Variants in ZNF718 observed in about 807,000 individuals in gnomAD.
The protein encoded by ZNF718 is zinc finger protein 718.
ZNF718 carries 3 observed loss-of-function variants against 2.6 expected under a neutral mutation model. That is an observed-to-expected ratio of 1.16 (90% CI 0.53 to 3.01). The LOEUF (loss-of-function observed/expected upper bound fraction) is 3.01. ZNF718 is among the 30% of genes most tolerant of loss of function. The pLI is 0.03. For missense variants in ZNF718, 468 were observed against 230.0 expected, an observed-to-expected ratio of 2.03 and a Z score of -6.69; for synonymous variants, 135 against 77.9, an observed-to-expected ratio of 1.73 and a Z score of -3.86.
At chr4:160,814 C>G in intron 3 of ZNF718, 98 bp from the exon 4 acceptor site, 3 of 650,044 alleles carry the variant, frequency 4.6e-6, no homozygotes, top group Non-Finnish European at 2.8e-6. Flanking sequence ...GCCTCGGAAA[C>G]TGCTGGAATT....
At position 131,602 on chromosome 4, in the gene ZNF718, G is replaced by A. The variant is rs1273606851; in HGVS notation, c.226+97G>A. On this transcript the variant is annotated intron_variant, in intron 3 of 3. Coordinates refer to ENST00000510175, the MANE Select transcript of ZNF718 (RefSeq NM_001039127.6). ...AATGTTGTTTGAGAGGCTGAGCACC[G>A]TGGCTCACGCCTGTAATCCCAGCAC... 1.6e-4 allele frequency: 39 copies of A among 242,096 alleles called. 13 individuals carry two copies. Among genetic ancestry groups the A allele is most frequent in the Non-Finnish European group, 2.8e-4 (37 of 132,666 alleles). 15.0% of individuals were successfully genotyped at this position (242,096 alleles called of 1,614,324 possible).
chr4:141,191 G>A (rs1284145731), intron 3 of ZNF718, among the ~76,000 whole-genome samples: 1 of 147,606 alleles, frequency 6.8e-6, no homozygotes, highest in Non-Finnish European at 1.5e-5. Context: ...GAAAAAAAAA[G>A]AGAATAGTTT....
rs373794669 is a variant in ZNF718, at chr4:161,870, C to T, written c.1185C>T (p.Tyr395=). Residue 395 remains tyrosine (Y), a synonymous_variant, in exon 4 of 4, where the codon TAC becomes TAT. Transcript: ENST00000510175. Reference sequence around the variant, plus strand: ...GAATTCACTCTGGAAAAAATCCCTACAAATGTGAAGATTGTGGCAAAGCCT... The same window carrying T: ...GAATTCACTCTGGAAAAAATCCCTATAAATGTGAAGATTGTGGCAAAGCCT... The part of the protein sequence containing the change: ...HKRIHSGKNP[Y]KCEDCGKAFK... 126 of 780,748 alleles carry T rather than the reference C, an allele frequency of 1.6e-4. No individual in the cohort carries two copies. Among genetic ancestry groups the T allele is most frequent in the African/African-American group, 1.6e-3 (95 of 59,234 alleles). 48.4% of individuals were successfully genotyped at this position (780,748 alleles called of 1,614,324 possible).
intron 3 of ZNF718, chr4:136,503 A>G (rs374300916): frequency 1.9e-5 from 10 of 523,576 alleles, no homozygotes; most frequent in African/African-American, 9.6e-5. Flanking sequence ...TTAGTGTGCC[A>G]TGTTTTATCT....
chr4:128,504 C>T (rs1715285652), intron 1 of ZNF718, among the ~76,000 whole-genome samples: 1 of 103,058 alleles, frequency 9.7e-6, no homozygotes, highest in Non-Finnish European at 2.2e-5. Flanking sequence ...TGTCCTTCTT[C>T]TTACCTCAGA....
downstream of ZNF718, among the ~76,000 whole-genome samples, chr4:167,270 G>A (rs1035141545): frequency 1.3e-5 from 2 of 152,126 alleles, no homozygotes; most frequent in Admixed American, 6.6e-5. Flanking sequence ...AGTATAGTTC[G>A]AAGCCAGGTA....
chr4:161,946 A>G lies in ZNF718; in HGVS notation c.1261A>G (p.Lys421Glu), dbSNP rs1428587574. The G allele has an allele frequency of 9.0e-6, 7 of 779,938 alleles. No homozygotes were observed. Among genetic ancestry groups the G allele is most frequent in the African/African-American group, 1.7e-5 (1 of 59,116 alleles). The allele number at this position is 779,938 out of a possible 1,614,324, so 48.3% of individuals were successfully genotyped here. A position where few individuals can be genotyped will look rare whatever the true frequency, so the allele number is the denominator to read the frequency against. The change falls in exon 4 of 4, where the codon AAA becomes GAA. Residue 421 changes from lysine to glutamate, a missense_variant. Transcript: ENST00000510175. ...HNHKKIHTGE[K>E]PYICKQCGKA... ...TCATAAGAAAATTCATACTGGAGAG[A>G]AACCCTACATATGTAAACAATGTGG...
rs149131401 is a variant in ZNF718, at chr4:134,348, A to G, written c.226+2843A>G. Among the ~76,000 whole-genome samples, 149 of 152,268 alleles carry G rather than the reference A, an allele frequency of 9.8e-4. 1 individual carries two copies. Among genetic ancestry groups the G allele is most frequent in the African/African-American group, 3.2e-3 (132 of 41,546 alleles). On this transcript the variant is annotated intron_variant, in intron 3 of 3. Coordinates refer to ENST00000510175, the MANE Select transcript of ZNF718 (RefSeq NM_001039127.6). ...TTTTTAGTAGAGATGGGGTTTCACC[A>G]TGTTAGCCAGGATGGTCTCTATCTG...
chr4:154,046 A>G (rs555753224), intron 3 of ZNF718, among the ~76,000 whole-genome samples: 1 of 152,246 alleles, frequency 6.6e-6, no homozygotes, highest in Non-Finnish European at 1.5e-5. Flanking sequence ...TTTCCCCCAT[A>G]CTGTTCTCAT....
intron 3 of ZNF718, among the ~76,000 whole-genome samples, chr4:170,699 C>G (rs551447845): frequency 6.6e-6 from 1 of 152,308 alleles, no homozygotes; most frequent in Admixed American, 6.5e-5. Context: ...TCAGCTCCAT[C>G]AGGTCCCTTA....
At chr4:158,683 C>T (rs1341917195) in intron 3 of ZNF718, among the ~76,000 whole-genome samples, 1 of 151,878 alleles carries the variant, frequency 6.6e-6, no homozygotes, top group Non-Finnish European at 1.5e-5. Context: ...TTTTATTTTG[C>T]ATATTAACAG....
chr4:143,438 A>G (rs1553810613), intron 3 of ZNF718, among the ~76,000 whole-genome samples: 2 of 152,120 alleles, frequency 1.3e-5, no homozygotes, highest in African/African-American at 4.8e-5. Flanking sequence ...CACCTGCCTT[A>G]GCCTCCCAAA....
intron 3 of ZNF718, among the ~76,000 whole-genome samples, chr4:137,556 C>T (rs1369327988): frequency 6.6e-6 from 1 of 152,018 alleles, no homozygotes; most frequent in African/African-American, 2.4e-5. Flanking sequence ...AATTAATACA[C>T]GATAATACCT....
chr4:124,786 T>C, intron 1 of ZNF718, 113 bp downstream of exon 1: 1 of 1,451,862 alleles, frequency 6.9e-7, no homozygotes, highest in Non-Finnish European at 9.4e-7. Flanking sequence ...CCCTCTGTCC[T>C]CAGTCCCCTC....
chr4:167,862 C>T (rs1332983522), downstream of ZNF718, among the ~76,000 whole-genome samples: 3 of 152,092 alleles, frequency 2.0e-5, no homozygotes, highest in Admixed American at 1.3e-4. Flanking sequence ...TGCCTGATTG[C>T]CCTGGCCAGA....
At chr4:134,299 A>T (rs1715462277) in intron 3 of ZNF718, among the ~76,000 whole-genome samples, 2 of 152,106 alleles carry the variant, frequency 1.3e-5, no homozygotes, top group Admixed American at 1.3e-4. Context: ...GGTGCCCGCC[A>T]CCACGCCCGG....
At chr4:186,363 G>A (rs554549469) in intron 3 of ZNF718, among the ~76,000 whole-genome samples, 80 of 152,220 alleles carry the variant, frequency 5.3e-4, no homozygotes, top group Non-Finnish European at 9.0e-4. Context: ...CTGTTAGTCT[G>A]ATGGGCTTCT....
chr4:176,819 C>A (rs1385487193), intron 3 of ZNF718, among the ~76,000 whole-genome samples: 1 of 152,194 alleles, frequency 6.6e-6, no homozygotes, highest in Non-Finnish European at 1.5e-5. Context: ...ACTAATCACC[C>A]ATGTCTAACT....
chr4:201,609 C>A (rs1717903002), intron 4 of ZNF718: 1 of 160,454 alleles, frequency 6.2e-6, no homozygotes, highest in Admixed American at 6.3e-5. Flanking sequence ...CAGTTCTATA[C>A]ATAACTGTTC....
Sources: allele counts gnomAD v4.1 joint callset (sites outside exome capture counted in the v4.1 genomes callset), GRCh38; gene constraint gnomAD v4.1.1; transcripts MANE v1.5; gene names NCBI Gene and HGNC (gene_info 2026-07-23, HGNC 2026-07-21).